Variants in EFHC2 observed in about 807,000 individuals in gnomAD.
The protein encoded by EFHC2 is EF-hand domain-containing family member C2.
A neutral mutation model predicts 52.7 loss-of-function variants in EFHC2; 18 were observed. The observed-to-expected ratio is 0.34, with a 90% CI of 0.24 to 0.51. EFHC2 has a LOEUF of 0.51. EFHC2 is among the 20% of genes least tolerant of loss of function. The probability of loss-of-function intolerance (pLI) is 0.97; values close to 1 mark genes in which losing one functional copy is unlikely to be tolerated. For missense variants in EFHC2, 513 were observed against 562.5 expected (o/e 0.91, Z 0.89); for synonymous variants, 203 against 204.1 (o/e 0.99, Z 0.04).
intron 1 of EFHC2, among the ~76,000 whole-genome samples, chrX:44,334,564 C>T (rs921018726): frequency 5.3e-5 from 6 of 112,259 alleles, no homozygotes; most frequent in African/African-American, 1.6e-4. Flanking sequence ...CAACCTCTGC[C>T]TCCCAGGTTC....
intron 11 of EFHC2, among the ~76,000 whole-genome samples, chrX:44,228,672 A>G (rs1332838819): frequency 8.9e-6 from 1 of 111,827 alleles, no homozygotes; most frequent in Non-Finnish European, 1.9e-5. Context: ...TAAAACAACA[A>G]ATGAGCTCTT....
intron 1 of EFHC2, among the ~76,000 whole-genome samples, chrX:44,341,741 C>T (rs1427760877): frequency 8.9e-6 from 1 of 112,874 alleles, no homozygotes; most frequent in Non-Finnish European, 1.9e-5. Flanking sequence ...TGAGCCACTG[C>T]GCCCAGCCCC....
chrX:44,317,688 AG>A (rs1266537879), intron 1 of EFHC2, among the ~76,000 whole-genome samples: 1 of 113,041 alleles, frequency 8.8e-6, no homozygotes, highest in Non-Finnish European at 1.9e-5. Context: ...CGGGAGGCTG[AG>A]GTGAAAGGAG....
intron 3 of EFHC2, among the ~76,000 whole-genome samples, chrX:44,263,485 T>C (rs1459250234): frequency 1.8e-5 from 2 of 112,261 alleles, no homozygotes; most frequent in Non-Finnish European, 1.9e-5. Flanking sequence ...AATTTTTAAT[T>C]ACTTGGTGCA....
rs533904109 is a variant in EFHC2 at position 44,335,388 on chromosome X, T to A, written c.42+8159A>T. ...CTTTGAGACCATACAAATGCCTTTT[T>A]TTAAGTTCAGAAACAAAAGCACAAT... On this transcript the variant is annotated intron_variant, in intron 1 of 14. Transcript: ENST00000420999. 9.0e-5 allele frequency among the ~76,000 whole-genome samples: 10 copies of A among 110,994 alleles called. No individual in the cohort carries two copies. The South Asian group carries it at 3.4e-3, about 38-fold the overall frequency.
At chrX:44,175,947 A>AGC (rs1437546838) in intron 13 of EFHC2, among the ~76,000 whole-genome samples, 2 of 112,305 alleles carry the variant, frequency 1.8e-5, no homozygotes, top group African/African-American at 6.5e-5. Context: ...GCATGTCTAT[A>AGC]GCTATCAGGA....
intron 7 of EFHC2, among the ~76,000 whole-genome samples, chrX:44,246,897 CTCA>C (rs2037404932): frequency 1.8e-5 from 2 of 111,768 alleles, no homozygotes; most frequent in Non-Finnish European, 3.8e-5. Flanking sequence ...TTTTTGGTGA[CTCA>C]TCTTGATATA....
intron 8 of EFHC2, among the ~76,000 whole-genome samples, chrX:44,237,654 A>G (rs1281404234): frequency 9.0e-6 from 1 of 111,672 alleles, no homozygotes; most frequent in African/African-American, 3.3e-5. Context: ...CACGGTGCCA[A>G]TTCCAATGCT....
intron 11 of EFHC2, among the ~76,000 whole-genome samples, chrX:44,206,638 T>C (rs148586189): frequency 0.034 from 3,799 of 111,626 alleles, 91 homozygotes; most frequent in Admixed American, 0.1. Context: ...TACCTAGGAA[T>C]ACACCTAATC....
At chrX:44,170,557 A>G (rs2036737196) in intron 13 of EFHC2, among the ~76,000 whole-genome samples, 1 of 110,884 alleles carries the variant, frequency 9.0e-6, no homozygotes, top group Admixed American at 9.6e-5. Context: ...CCCCCATCAC[A>G]GAGGCCTCCC....
chrX:44,235,569 G>T, intron 8 of EFHC2, 122 bp from the exon 9 acceptor site: 1 of 664,869 alleles, frequency 1.5e-6, no homozygotes, highest in Non-Finnish European at 2.1e-6. Context: ...TGTCCAAAGT[G>T]AAAGAGTTCA....
intron 11 of EFHC2, among the ~76,000 whole-genome samples, chrX:44,198,963 A>G (rs941026790): frequency 6.2e-5 from 7 of 112,646 alleles, no homozygotes; most frequent in African/African-American, 9.7e-5. Context: ...GTTATCTGAT[A>G]GAAATCAAAG....
In EFHC2 at chrX:44,275,434, G is replaced by A. The variant is rs139278337; in HGVS notation, c.232-2598C>T. On this transcript the variant is annotated intron_variant, in intron 2 of 14. Transcript: ENST00000420999. ...TGTGGTGAAGTAGAATGTAAGAGGA[G>A]AGACACCAAATAGATTAAAAAGTGA... Among the ~76,000 whole-genome samples, 873 of 110,209 alleles carry A rather than the reference G, an allele frequency of 7.9e-3. 14 individuals carry two copies. Among genetic ancestry groups the A allele is most frequent in the African/African-American group, 0.026 (774 of 30,288 alleles).
At chrX:44,184,207 A>G (rs2036856176) in intron 11 of EFHC2, among the ~76,000 whole-genome samples, 1 of 111,477 alleles carries the variant, frequency 9.0e-6, no homozygotes, top group Non-Finnish European at 1.9e-5. Flanking sequence ...GTCGCTAGGA[A>G]TTCATCCTCT....
At chrX:44,173,782 G>A (rs983343163) in intron 13 of EFHC2, among the ~76,000 whole-genome samples, 4 of 111,854 alleles carry the variant, frequency 3.6e-5, no homozygotes, top group African/African-American at 6.5e-5. Context: ...TGCATTTAAT[G>A]TCAAATCGTA....
intron 11 of EFHC2, among the ~76,000 whole-genome samples, chrX:44,193,855 C>T (rs1205052106): frequency 8.9e-6 from 1 of 111,800 alleles, no homozygotes; most frequent in Non-Finnish European, 1.9e-5. Flanking sequence ...GATTTAGAGA[C>T]CAAGAAGCCA....
rs185742637 is a variant in EFHC2 at position 44,325,420 on chromosome X, A to G, written c.43-12664T>C. Among the ~76,000 whole-genome samples, 109 of 110,320 alleles carry G rather than the reference A, an allele frequency of 9.9e-4. 3 individuals carry two copies. Among genetic ancestry groups the G allele is most frequent in the Admixed American group, 7.8e-3 (80 of 10,211 alleles). On this transcript the variant is annotated intron_variant, in intron 1 of 14. Coordinates refer to ENST00000420999, the MANE Select transcript of EFHC2 (RefSeq NM_025184.4). Reference sequence around the variant, plus strand: ...TAGGTCAGTGCTCCTTGGCATCTCAACTCCCTGATTCCCATTCCACCACTG... The same window carrying G: ...TAGGTCAGTGCTCCTTGGCATCTCAGCTCCCTGATTCCCATTCCACCACTG...
At chrX:44,217,004 G>A (rs1462743083) in intron 11 of EFHC2, among the ~76,000 whole-genome samples, 2 of 111,532 alleles carry the variant, frequency 1.8e-5, no homozygotes, top group East Asian at 5.6e-4. Context: ...TATATAAAAA[G>A]CTCAAACAAC....
intron 5 of EFHC2, 89 bp downstream of exon 5, chrX:44,250,105 C>T: frequency 1.9e-6 from 2 of 1,066,663 alleles, no homozygotes; most frequent in Non-Finnish European, 2.5e-6. Flanking sequence ...TGGTTACTAT[C>T]ATCATATAGT....
Sources: gnomAD v4.1 joint callset for allele counts (sites outside exome capture counted in the v4.1 genomes callset) on GRCh38, gnomAD v4.1.1 for gene constraint, MANE v1.5 for transcripts, NCBI Gene and HGNC (gene_info 2026-07-23, HGNC 2026-07-21) for gene names.